Variants in EXT2 observed in about 807,000 individuals in gnomAD.
EXT2 encodes the protein exostosin-2.
A neutral mutation model predicts 81.6 loss-of-function variants in EXT2; 53 were observed. The ratio of observed to expected loss-of-function variants is 0.65; its 90% confidence interval spans 0.52 to 0.82. The LOEUF (loss-of-function observed/expected upper bound fraction) is 0.82. Among genes scored for constraint, EXT2 ranks in the 40% least tolerant of loss-of-function variants. EXT2 has a pLI of 0.00. For synonymous variants in EXT2, 320 were observed against 340.0 expected, an observed-to-expected ratio of 0.94 and a Z score of 0.65; for missense variants, 774 against 910.2, an observed-to-expected ratio of 0.85 and a Z score of 1.93.
At chr11:44,216,683 A>ATT (rs1955723938) in intron 10 of EXT2, among the ~76,000 whole-genome samples, 1 of 152,090 alleles carries the variant, frequency 6.6e-6, no homozygotes, top group East Asian at 1.9e-4. Context: ...TGATTTACAG[A>ATT]GACCATTTTA....
chr11:44,114,123 A>G, intron 3 of EXT2, 62 bp from the exon 4 acceptor site: 2 of 1,377,484 alleles, frequency 1.5e-6, no homozygotes, highest in Admixed American at 1.7e-5. Context: ...GTTCCTCTCC[A>G]CAGTGTGTAT....
intron 7 of EXT2, among the ~76,000 whole-genome samples, chr11:44,165,677 G>C (rs1197758601): frequency 6.6e-6 from 1 of 152,210 alleles, no homozygotes; most frequent in African/African-American, 2.4e-5. Flanking sequence ...GAATGCTTAA[G>C]TTGGAATGTG....
At chr11:44,158,812 A>C (rs1178060090) in intron 7 of EXT2, among the ~76,000 whole-genome samples, 3 of 151,722 alleles carry the variant, frequency 2.0e-5, no homozygotes, top group South Asian at 2.1e-4. Context: ...TTCTGAGAAA[A>C]TCTTTATTTC....
chr11:44,197,784 T>C, intron 8 of EXT2, 45 bp from the exon 9 acceptor site: 1 of 1,602,468 alleles, frequency 6.2e-7, no homozygotes, highest in Non-Finnish European at 8.5e-7. Flanking sequence ...TCAGCCATAT[T>C]GTTACAGCTG....
At chr11:44,233,058 G>A (rs1955918042) in intron 11 of EXT2, among the ~76,000 whole-genome samples, 1 of 152,086 alleles carries the variant, frequency 6.6e-6, no homozygotes, top group Non-Finnish European at 1.5e-5. Flanking sequence ...CATGACCATT[G>A]TGATAGATTC....
rs1389461448 is a variant in EXT2, at chr11:44,248,317, A to G, written c.*4030A>G. On this transcript the variant is annotated 3_prime_UTR_variant, in exon 14 of 14. Coordinates refer to ENST00000533608, the MANE Select transcript of EXT2 (RefSeq NM_207122.2). ...AGCAGTTCTGGCAGGAGTGTTAACC[A>G]TATTGGCAGCAGCTTCCATCCAGAG... 6.6e-6 allele frequency among the ~76,000 whole-genome samples: 1 copy of G among 152,128 alleles called. No individual in the cohort carries two copies. Among genetic ancestry groups the G allele is most frequent in the Admixed American group, 6.5e-5 (1 of 15,272 alleles).
intron 13 of EXT2, among the ~76,000 whole-genome samples, chr11:44,239,915 A>C (rs1203321881): frequency 6.6e-6 from 1 of 152,110 alleles, no homozygotes; most frequent in Non-Finnish European, 1.5e-5. Context: ...GCGCAAGTCC[A>C]TTATATAAAA....
intron 8 of EXT2, among the ~76,000 whole-genome samples, chr11:44,173,354 A>G (rs940189025): frequency 6.6e-6 from 1 of 152,192 alleles, no homozygotes; most frequent in Non-Finnish European, 1.5e-5. Flanking sequence ...TTGTAGTTTT[A>G]AAACATATAT....
intron 8 of EXT2, among the ~76,000 whole-genome samples, chr11:44,191,494 C>T (rs1955391285): frequency 6.6e-6 from 1 of 152,206 alleles, no homozygotes; most frequent in East Asian, 1.9e-4. Flanking sequence ...CCTATCTTGC[C>T]ATCATGGAGA....
At chr11:44,142,564 T>G (rs1954660246) in intron 7 of EXT2, among the ~76,000 whole-genome samples, 1 of 152,224 alleles carries the variant, frequency 6.6e-6, no homozygotes, top group South Asian at 2.1e-4. Flanking sequence ...TTTCCAAATG[T>G]TTGAAGTCTA....
chr11:44,244,394 C>T lies in EXT2; in HGVS notation c.*107C>T. Reference sequence around the variant, plus strand: ...AGTAGGTTAAGGGTGGAAGGTTGACCTACTTGGATCTTGGCATGCACCCAC... The same window carrying T: ...AGTAGGTTAAGGGTGGAAGGTTGACTTACTTGGATCTTGGCATGCACCCAC... On this transcript the variant is annotated 3_prime_UTR_variant, in exon 14 of 14. Coordinates refer to ENST00000533608, the MANE Select transcript of EXT2 (RefSeq NM_207122.2). 3 of 1,278,294 alleles carry T rather than the reference C, an allele frequency of 2.3e-6. No individual in the cohort carries two copies. The South Asian group carries it at 3.7e-5, about 16-fold the overall frequency. 79.2% of individuals were successfully genotyped at this position (1,278,294 alleles called of 1,614,324 possible).
In EXT2 at chr11:44,250,604, A is replaced by C. The variant is rs1035822819; in HGVS notation, c.*6317A>C. Among the ~76,000 whole-genome samples the C allele has an allele frequency of 6.6e-6, 1 of 152,180 alleles. No homozygotes were observed. The highest frequency in any genetic ancestry group is 2.4e-5 in the African/African-American group (1 of 41,438). ...ACCAAATGAGCAGTTCTCTTGCCCCAGTCCCTTTCCTGTGCTATAAATAAG... is the reference window on the plus strand; with the variant it reads ...ACCAAATGAGCAGTTCTCTTGCCCCCGTCCCTTTCCTGTGCTATAAATAAG... On this transcript the variant is annotated 3_prime_UTR_variant, in exon 14 of 14. Coordinates refer to ENST00000533608, the MANE Select transcript of EXT2 (RefSeq NM_207122.2).
intron 10 of EXT2, among the ~76,000 whole-genome samples, chr11:44,225,069 G>A (rs1206226807): frequency 6.6e-6 from 1 of 152,128 alleles, no homozygotes; most frequent in East Asian, 1.9e-4. Flanking sequence ...GGAAATAAAA[G>A]TGATTTCATC....
rs957253765 is a variant in EXT2, at chr11:44,220,815, C to A, written c.1663-11538C>A. On this transcript the variant is annotated intron_variant, in intron 10 of 13. Coordinates refer to ENST00000533608, the MANE Select transcript of EXT2 (RefSeq NM_207122.2). This position sits in a 1 kb window ranked among gnomAD's most constrained non-coding sequence, Gnocchi z 4.4. ...TGAAAGAAGATCCCAAGTAGTGGGC[C>A]AGAAGCCCAGGGAGGTGCTGAAGGA... 6.6e-6 allele frequency among the ~76,000 whole-genome samples: 1 copy of A among 152,172 alleles called. No individual in the cohort carries two copies. Among genetic ancestry groups the A allele is most frequent in the African/African-American group, 2.4e-5 (1 of 41,448 alleles).
At chr11:44,236,931 G>A (rs1590670109) in intron 13 of EXT2, among the ~76,000 whole-genome samples, 2 of 152,182 alleles carry the variant, frequency 1.3e-5, no homozygotes, top group Non-Finnish European at 1.5e-5. Context: ...TGTGTGGAAT[G>A]TAATCCTAGG....
chr11:44,206,837 A>G lies in EXT2; in HGVS notation c.1540A>G (p.Thr514Ala). ...KIRVPLKVVRTAENKLSNRFF... is the reference protein window; with the variant it reads ...KIRVPLKVVRAAENKLSNRFF... ...CCGGGTTCCATTAAAAGTTGTGAGGACTGCTGAAAACAAGTTAAGTAACCG... is the reference window on the plus strand; with the variant it reads ...CCGGGTTCCATTAAAAGTTGTGAGGGCTGCTGAAAACAAGTTAAGTAACCG... Residue 514 changes from threonine to alanine, a missense_variant, in exon 10 of 14, where the codon ACT becomes GCT. Coordinates refer to ENST00000533608, the MANE Select transcript of EXT2 (RefSeq NM_207122.2). The G allele has an allele frequency of 6.2e-7, 1 of 1,614,036 alleles. No individual in the cohort carries two copies. Among genetic ancestry groups the G allele is most frequent in the Non-Finnish European group, 8.5e-7 (1 of 1,179,982 alleles).
intron 6 of EXT2, among the ~76,000 whole-genome samples, chr11:44,127,410 AGTGGT>A (rs1954424248): frequency 6.6e-6 from 1 of 152,182 alleles, no homozygotes; most frequent in Non-Finnish European, 1.5e-5. Flanking sequence ...CTGTCAGATC[AGTGGT>A]GGCATTAAAT....
intron 7 of EXT2, 113 bp downstream of exon 7, chr11:44,130,251 A>AAG: frequency 1.3e-6 from 1 of 783,376 alleles, no homozygotes; most frequent in Non-Finnish European, 2.3e-6. Flanking sequence ...CCTCCACTAG[A>AAG]TCAACTAGCC....
At position 44,171,868 on chromosome 11, in the gene EXT2, T is replaced by C. The variant is rs72903909; in HGVS notation, c.1305+126T>C. The C allele has an allele frequency of 0.079, 113,982 of 1,434,822 alleles. 5,226 individuals are homozygous for C. The highest frequency in any genetic ancestry group is 0.13 in the Middle Eastern group (536 of 4,236). The allele number at this position is 1,434,822 out of a possible 1,614,324, so 88.9% of individuals were successfully genotyped here. A position where few individuals can be genotyped will look rare whatever the true frequency, so the allele number is the denominator to read the frequency against. Reference sequence around the variant, plus strand: ...CTTTCTAAGATGAGAGTGTGCTTTTTATACTTGGGGCCTGATAAGGGCAGC... The same window carrying C: ...CTTTCTAAGATGAGAGTGTGCTTTTCATACTTGGGGCCTGATAAGGGCAGC... On this transcript the variant is annotated intron_variant, in intron 8 of 13. Coordinates refer to ENST00000533608, the MANE Select transcript of EXT2 (RefSeq NM_207122.2).
Sources: allele counts gnomAD v4.1 joint callset (sites outside exome capture counted in the v4.1 genomes callset), GRCh38; gene constraint gnomAD v4.1.1; non-coding constraint Gnocchi (gnomAD v3.1); transcripts MANE v1.5; gene names NCBI Gene and HGNC (gene_info 2026-07-23, HGNC 2026-07-21).